PLXNA4: variants seen among roughly 807,000 people sequenced by gnomAD.
PLXNA4 encodes the protein plexin-A4.
PLXNA4 carries 44 observed loss-of-function variants against 191.8 expected under a neutral mutation model. The ratio of observed to expected loss-of-function variants is 0.23; its 90% CI spans 0.18 to 0.29. PLXNA4 has a LOEUF of 0.29. Ranked by LOEUF, PLXNA4 falls within the 10% of genes least tolerant of loss-of-function variation. The pLI is 1.00. For synonymous variants in PLXNA4, 1,082 were observed against 1,009.5 expected (o/e 1.07, Z -1.36); for missense variants, 1,800 against 2,488.8 (o/e 0.72, Z 5.89).
At chr7:132,176,351 TGTG>T (rs1313274401) in intron 20 of PLXNA4, among the ~76,000 whole-genome samples, 2 of 152,222 alleles carry the variant, frequency 1.3e-5, no homozygotes. Context: ...CCTGCACCAA[TGTG>T]TGTGTGCATG....
At chr7:132,246,315 C>A in intron 4 of PLXNA4, among the ~76,000 whole-genome samples, 1 of 152,158 alleles carries the variant, frequency 6.6e-6, no homozygotes, top group East Asian at 1.9e-4. Flanking sequence ...AACGTAATCT[C>A]AAATGGGTTT....
intron 3 of PLXNA4, among the ~76,000 whole-genome samples, chr7:132,455,453 A>G (rs1010259118): frequency 6.6e-6 from 1 of 151,662 alleles, no homozygotes; most frequent in Non-Finnish European, 1.5e-5. Flanking sequence ...ACACACACAC[A>G]CGCAGAGTGA....
At chr7:132,593,474 C>A (rs1802642941) in intron 2 of PLXNA4, among the ~76,000 whole-genome samples, 1 of 152,190 alleles carries the variant, frequency 6.6e-6, no homozygotes, top group South Asian at 2.1e-4. Flanking sequence ...CTCTCCTAGG[C>A]AAAGATGGAA....
intron 21 of PLXNA4, among the ~76,000 whole-genome samples, chr7:132,172,549 G>C (rs896238974): frequency 6.7e-6 from 1 of 150,032 alleles, no homozygotes; most frequent in African/African-American, 2.5e-5. Flanking sequence ...AGAACACCAA[G>C]GGGGAGAAAC....
At chr7:132,540,961 A>G (rs1366184304) in intron 1 of PLXNA4, among the ~76,000 whole-genome samples, 6 of 152,166 alleles carry the variant, frequency 3.9e-5, no homozygotes, top group Non-Finnish European at 8.8e-5. Context: ...GGATGAGAGG[A>G]GAATGTTGGT....
At chr7:132,225,406 G>C (rs962881726) in intron 8 of PLXNA4, among the ~76,000 whole-genome samples, 1 of 152,208 alleles carries the variant, frequency 6.6e-6, no homozygotes, top group Admixed American at 6.5e-5. Context: ...TGCCACGTCA[G>C]TTGGTAAATA....
intron 4 of PLXNA4, among the ~76,000 whole-genome samples, chr7:132,251,273 T>C (rs1481484992): frequency 6.6e-6 from 1 of 152,092 alleles, no homozygotes; most frequent in Non-Finnish European, 1.5e-5. Context: ...TGGAGAAAAG[T>C]ATCGGTTGGC....
chr7:132,563,715 C>CCTCCTCCTCCTT (rs1475294036), intron 1 of PLXNA4, among the ~76,000 whole-genome samples: 12 of 116,396 alleles, frequency 1.0e-4, no homozygotes, highest in African/African-American at 4.6e-4. Context: ...TCCTCCTTCT[C>CCTCCTCCTCCTT]CTCCTCCTCT....
At chr7:132,151,839 C>T (rs1795654890) in intron 25 of PLXNA4, among the ~76,000 whole-genome samples, 1 of 152,114 alleles carries the variant, frequency 6.6e-6, no homozygotes, top group Admixed American at 6.5e-5. Context: ...TGGAGTATAA[C>T]TGGCGGGCAG....
At chr7:132,361,002 A>C (rs1469486818) in intron 3 of PLXNA4, among the ~76,000 whole-genome samples, 1 of 152,190 alleles carries the variant, frequency 6.6e-6, no homozygotes, top group South Asian at 2.1e-4. Flanking sequence ...AGTAAAATTG[A>C]TTGTATTACT....
intron 1 of PLXNA4, among the ~76,000 whole-genome samples, chr7:132,557,006 T>C (rs1006541020): frequency 2.0e-5 from 3 of 152,142 alleles, no homozygotes; most frequent in African/African-American, 7.2e-5. Context: ...AAAATATTAA[T>C]GAATAAAGTA....
chr7:132,631,495 A>G (rs1037036389), intron 2 of PLXNA4, among the ~76,000 whole-genome samples: 2 of 152,132 alleles, frequency 1.3e-5, no homozygotes, highest in African/African-American at 4.8e-5. Flanking sequence ...TTTCCAGTAG[A>G]TCATTTAGCT....
intron 3 of PLXNA4, among the ~76,000 whole-genome samples, chr7:132,449,239 C>T (rs1040679926): frequency 6.6e-6 from 1 of 152,206 alleles, no homozygotes; most frequent in African/African-American, 2.4e-5. Context: ...TCTTTCTCCA[C>T]AGTTCTCCTG....
chr7:132,466,902 G>A (rs1013751527), intron 3 of PLXNA4, among the ~76,000 whole-genome samples: 8 of 152,158 alleles, frequency 5.3e-5, no homozygotes, highest in African/African-American at 1.9e-4. Flanking sequence ...GGGCTTTCTG[G>A]GTGATTAGAG....
rs1798592258 is a variant in PLXNA4 at position 132,508,817 on chromosome 7, C to G, written c.-86-38G>C. ...AAGACAATGAGCTGGATAACAATGC[C>G]AGTGGCTTCATTTCACCCCACAGCT... On this transcript the variant is annotated intron_variant, in intron 1 of 31. Coordinates refer to ENST00000321063, the MANE Select transcript of PLXNA4 (RefSeq NM_020911.2). This position sits in a 1 kb window ranked among gnomAD's most constrained non-coding sequence, Gnocchi z 4.4. 2.1e-6 allele frequency: 3 copies of G among 1,424,352 alleles called. No individual in the cohort carries two copies. In the South Asian group the frequency reaches 4.5e-5, roughly 22 times the overall value. 88.2% of individuals were successfully genotyped at this position (1,424,352 alleles called of 1,614,324 possible). A position where few individuals can be genotyped will look rare whatever the true frequency, so the allele number is the denominator to read the frequency against.
At chr7:132,459,068 C>T (rs1300180834) in intron 3 of PLXNA4, among the ~76,000 whole-genome samples, 5 of 152,116 alleles carry the variant, frequency 3.3e-5, no homozygotes, top group Admixed American at 6.5e-5. Context: ...CACACATCTA[C>T]GTAGACCTAG....
rs199571283 is a variant in PLXNA4, at chr7:132,508,446, G to A, written c.248C>T (p.Thr83Met). ...KLSSDLKVLVTHETGPDEDNP... is the reference protein window; with the variant it reads ...KLSSDLKVLVMHETGPDEDNP... Reference sequence around the variant, plus strand: ...GTCCTCGTCCGGCCCTGTCTCATGCGTCACCAAGACCTTCAGGTCGCTGGA... The same window carrying A: ...GTCCTCGTCCGGCCCTGTCTCATGCATCACCAAGACCTTCAGGTCGCTGGA... The change falls in exon 2 of 32, where the codon ACG (threonine) becomes ATG (methionine). Residue 83 changes from threonine (T) to methionine (M), a missense_variant. Physicochemically the swap from Thr to Met is moderately conservative, Grantham distance 81 (BLOSUM62 -1). Around this residue, in one of 6 missense-constraint regions of PLXNA4, gnomAD observed 1,397 missense variants for 1,880.4 expected, o/e 0.74. Coordinates refer to ENST00000321063, the MANE Select transcript of PLXNA4 (RefSeq NM_020911.2). This position sits in a 1 kb window ranked among gnomAD's most constrained non-coding sequence, Gnocchi z 4.4. The A allele has an allele frequency of 1.0e-4, 162 of 1,614,192 alleles. No homozygotes were observed. Among genetic ancestry groups the A allele is most frequent in the South Asian group, 1.3e-4 (12 of 91,084 alleles).
At chr7:132,596,711 A>T (rs924374) in intron 2 of PLXNA4, among the ~76,000 whole-genome samples, 5 of 152,020 alleles carry the variant, frequency 3.3e-5, no homozygotes, top group African/African-American at 4.8e-5. Context: ...AGCTCATTTT[A>T]GGGGTAGGAA....
chr7:132,271,803 G>C (rs556230902), intron 4 of PLXNA4, among the ~76,000 whole-genome samples: 1 of 152,250 alleles, frequency 6.6e-6, no homozygotes, highest in Admixed American at 6.5e-5. Context: ...GATTACAGAG[G>C]GTTGGGGAAA....
Sources: gnomAD v4.1 joint callset for allele counts (sites outside exome capture counted in the v4.1 genomes callset) on GRCh38, gnomAD v4.1.1 for gene constraint, gnomAD v4.1.1 regional missense constraint, Gnocchi (gnomAD v3.1) non-coding constraint, MANE v1.5 for transcripts, NCBI Gene and HGNC (gene_info 2026-07-23, HGNC 2026-07-21) for gene names.